The following PSMA1 variants were observed in gnomAD, a reference collection of about 807,000 sequenced individuals.
The protein encoded by PSMA1 is proteasome subunit alpha type-1.
Under a neutral mutation model 38.4 loss-of-function variants are expected in PSMA1, and 3 were observed. The ratio of observed to expected loss-of-function variants is 0.08; its 90% CI spans 0.04 to 0.20. The LOEUF (loss-of-function observed/expected upper bound fraction) is 0.20, where lower values mean the gene tolerates loss of function less well. Among genes scored for constraint, PSMA1 ranks in the 10% least tolerant of loss-of-function variants. The pLI is 1.00. For missense variants in PSMA1, 227 were observed against 325.3 expected (o/e 0.70, Z 2.32); for synonymous variants, 101 against 107.1 (o/e 0.94, Z 0.35).
chr11:14,505,387 T>C (rs1851228785), intron 9 of PSMA1, 139 bp from the exon 10 acceptor site: 1 of 723,036 alleles, frequency 1.4e-6, no homozygotes, highest in Non-Finnish European at 2.4e-6. Context: ...TAGTTCACTG[T>C]CCTGTTAACA....
chr11:14,630,424 A>G (rs1052469782), intron 1 of PSMA1, among the ~76,000 whole-genome samples: 1 of 152,200 alleles, frequency 6.6e-6, no homozygotes, highest in African/African-American at 2.4e-5. Context: ...TGAGATAATC[A>G]TCTGGTTTTT....
At chr11:14,630,662 G>C (rs941851566) in intron 1 of PSMA1, among the ~76,000 whole-genome samples, 7 of 151,574 alleles carry the variant, frequency 4.6e-5, no homozygotes, top group African/African-American at 1.7e-4. Flanking sequence ...TTTGGTATCA[G>C]AATGATGCTG....
At chr11:14,606,590 GTAATTGGATGTTTC>G in intron 2 of PSMA1, among the ~76,000 whole-genome samples, 1 of 152,198 alleles carries the variant, frequency 6.6e-6, no homozygotes, top group Non-Finnish European at 1.5e-5. Context: ...GATGTATTCA[GTAATTGGATGTTTC>G]TAATTCATGT....
chr11:14,516,615 C>T (rs1851434148), intron 4 of PSMA1, among the ~76,000 whole-genome samples: 1 of 152,142 alleles, frequency 6.6e-6, no homozygotes. Flanking sequence ...TAGTGGTTTA[C>T]AGTAGGCAAT....
intron 1 of PSMA1, among the ~76,000 whole-genome samples, chr11:14,612,094 C>T (rs956314802): frequency 6.6e-6 from 1 of 152,178 alleles, no homozygotes; most frequent in African/African-American, 2.4e-5. Flanking sequence ...CCCTGTTTGC[C>T]AGCCCCAGGG....
chr11:14,530,038 A>G (rs1209501296), intron 2 of PSMA1, among the ~76,000 whole-genome samples: 1 of 152,244 alleles, frequency 6.6e-6, no homozygotes, highest in Non-Finnish European at 1.5e-5. Context: ...TACCTAGAAT[A>G]GGCGAATACA....
At chr11:14,600,887 T>C (rs117587662) in intron 2 of PSMA1, among the ~76,000 whole-genome samples, 2,057 of 152,312 alleles carry the variant, frequency 0.014, 19 homozygotes, top group Middle Eastern at 0.027. Flanking sequence ...TGCTCCAACA[T>C]TTCTTTATTT....
chr11:14,575,269 A>G (rs1018209303), intron 2 of PSMA1, among the ~76,000 whole-genome samples: 1 of 152,100 alleles, frequency 6.6e-6, no homozygotes, highest in Non-Finnish European at 1.5e-5. Flanking sequence ...ATTATAGTTT[A>G]ATTATAATAC....
At chr11:14,514,316 C>A in intron 5 of PSMA1, 87 bp downstream of exon 5, 1 of 1,440,386 alleles carries the variant, frequency 6.9e-7, no homozygotes, top group South Asian at 1.5e-5. Flanking sequence ...TTACCTATGT[C>A]ATATTATTAT....
intron 2 of PSMA1, among the ~76,000 whole-genome samples, chr11:14,538,756 G>A (rs1851738772): frequency 6.6e-6 from 1 of 152,274 alleles, no homozygotes. Context: ...GGTGAGGACA[G>A]GGCTGCCAAG....
At chr11:14,514,310 CTA>C in intron 5 of PSMA1, 91 bp downstream of exon 5, 1 of 1,430,866 alleles carries the variant, frequency 7.0e-7, no homozygotes, top group Non-Finnish European at 9.2e-7. Context: ...ACAATCTTAC[CTA>C]TGTCATATTA....
intron 2 of PSMA1, among the ~76,000 whole-genome samples, chr11:14,573,490 T>C (rs1852173496): frequency 1.3e-5 from 2 of 152,116 alleles, no homozygotes; most frequent in Non-Finnish European, 2.9e-5. Context: ...TCTCAATAAA[T>C]TAGGTATTGA....
intron 2 of PSMA1, among the ~76,000 whole-genome samples, chr11:14,542,851 A>C (rs1851787283): frequency 6.6e-6 from 1 of 152,096 alleles, no homozygotes; most frequent in Admixed American, 6.5e-5. Flanking sequence ...TCCTTCTCAG[A>C]ATGATTTTTT....
intron 4 of PSMA1, among the ~76,000 whole-genome samples, chr11:14,517,306 G>C (rs1015819994): frequency 3.3e-5 from 5 of 152,274 alleles, no homozygotes; most frequent in African/African-American, 9.6e-5. Flanking sequence ...CAAGCACAAA[G>C]AAAACAAGTG....
At chr11:14,514,119 G>A (rs964100936) in intron 5 of PSMA1, 8 of 1,321,240 alleles carry the variant, frequency 6.1e-6, no homozygotes, top group Middle Eastern at 2.8e-4. Context: ...AACCTGATTT[G>A]TTTTGGATAC....
At chr11:14,572,056 A>T (rs1380930978) in intron 2 of PSMA1, among the ~76,000 whole-genome samples, 4 of 152,194 alleles carry the variant, frequency 2.6e-5, no homozygotes, top group African/African-American at 9.7e-5. Context: ...CTCCCATACA[A>T]TAATAATGGG....
At chr11:14,623,383 G>C (rs1210666724) in intron 1 of PSMA1, among the ~76,000 whole-genome samples, 1 of 152,210 alleles carries the variant, frequency 6.6e-6, no homozygotes, top group Non-Finnish European at 1.5e-5. Flanking sequence ...ACAGTGGAGA[G>C]GGAAAATCTT....
At chr11:14,540,880 A>C (rs1412249483) in intron 2 of PSMA1, among the ~76,000 whole-genome samples, 2 of 148,788 alleles carry the variant, frequency 1.3e-5, no homozygotes, top group Non-Finnish European at 3.0e-5. Context: ...GGTATGAAAA[A>C]TGTTATAAAG....
chr11:14,626,390 A>G (rs1026454886), intron 1 of PSMA1, among the ~76,000 whole-genome samples: 5 of 152,194 alleles, frequency 3.3e-5, no homozygotes, highest in African/African-American at 9.6e-5. Flanking sequence ...TATCTATGCT[A>G]TTACCGTTTT....
Sources: gnomAD v4.1 joint callset for allele counts (sites outside exome capture counted in the v4.1 genomes callset) on GRCh38, gnomAD v4.1.1 for gene constraint, MANE v1.5 for transcripts, NCBI Gene and HGNC (gene_info 2026-07-23, HGNC 2026-07-21) for gene names.